AGBL1: variants seen among roughly 807,000 people sequenced by gnomAD.
AGBL1 encodes the protein AGBL carboxypeptidase 1, also known as cytosolic carboxypeptidase 4.
In AGBL1, 130 loss-of-function variants were observed where a neutral mutation model predicts 118.9. The observed-to-expected ratio is 1.09, with a 90% CI of 0.95 to 1.26. AGBL1 has a LOEUF of 1.26. Among genes scored for constraint, AGBL1 ranks in the 50% most tolerant of loss-of-function variants. The pLI, the probability that AGBL1 is intolerant of heterozygous loss-of-function variation, is 0.00. For synonymous variants in AGBL1, 555 were observed against 478.9 expected, an observed-to-expected ratio of 1.16 and a Z score of -2.08; for missense variants, 1,584 against 1,298.1, an observed-to-expected ratio of 1.22 and a Z score of -3.38.
At chr15:86,103,585 G>C (rs1486116090) in intron 1 of AGBL1, among the ~76,000 whole-genome samples, 1 of 152,184 alleles carries the variant, frequency 6.6e-6, no homozygotes, top group East Asian at 1.9e-4. Context: ...GTGTGCAGTA[G>C]TATAGTCTCC....
intron 7 of AGBL1, among the ~76,000 whole-genome samples, chr15:86,252,341 C>G (rs1241929977): frequency 6.6e-6 from 1 of 152,142 alleles, no homozygotes; most frequent in African/African-American, 2.4e-5. Flanking sequence ...GAGAATATTA[C>G]CAGGTTGGAA....
At chr15:86,955,485 A>G (rs1419977463) in intron 23 of AGBL1, among the ~76,000 whole-genome samples, 10 of 152,038 alleles carry the variant, frequency 6.6e-5, no homozygotes, top group Non-Finnish European at 1.3e-4. Flanking sequence ...AAAGAACCAG[A>G]CACAAATGAT....
At chr15:86,428,627 G>C (rs1180876164) in intron 18 of AGBL1, among the ~76,000 whole-genome samples, 1 of 152,192 alleles carries the variant, frequency 6.6e-6, no homozygotes. Context: ...GAGGAACTCT[G>C]TAATAGGGAA....
At chr15:86,535,969 T>A (rs2083420705) in intron 19 of AGBL1, among the ~76,000 whole-genome samples, 1 of 152,162 alleles carries the variant, frequency 6.6e-6, no homozygotes, top group Non-Finnish European at 1.5e-5. Flanking sequence ...TTTTTTACAT[T>A]TGAGGATATG....
intron 21 of AGBL1, among the ~76,000 whole-genome samples, chr15:86,630,101 C>T (rs1168590079): frequency 6.6e-6 from 1 of 152,222 alleles, no homozygotes; most frequent in African/African-American, 2.4e-5. Context: ...TATGAATCTT[C>T]CTTCTATGTG....
intron 22 of AGBL1, among the ~76,000 whole-genome samples, chr15:86,873,443 A>C (rs903857537): frequency 1.3e-5 from 2 of 152,180 alleles, no homozygotes; most frequent in Non-Finnish European, 2.9e-5. Context: ...CTCCACAATG[A>C]TAATGTCCAG....
intron 22 of AGBL1, among the ~76,000 whole-genome samples, chr15:86,843,775 C>T (rs1159868010): frequency 1.3e-5 from 2 of 152,032 alleles, no homozygotes; most frequent in Non-Finnish European, 2.9e-5. Context: ...CCAAGGTAAG[C>T]GTAAGGCTCA....
chr15:86,508,358 TAA>T lies in AGBL1; in HGVS notation c.2556-14451_2556-14450del, dbSNP rs549840974. 8.2e-4 allele frequency among the ~76,000 whole-genome samples: 125 copies of T among 152,082 alleles called. 1 individual carries two copies. The highest frequency in any genetic ancestry group is 2.8e-3 in the African/African-American group (118 of 41,492). The stretch of plus-strand genomic sequence containing the variant: ...TGTAACAAAACAGTACAAAGTGTGT[TAA>T]GAGAGAGAGGGGAAAAATAATGACA... On this transcript the variant is annotated intron_variant, in intron 18 of 22. Transcript: ENST00000614907.
intron 5 of AGBL1, among the ~76,000 whole-genome samples, chr15:86,219,943 C>CTTTT (rs1491233116): frequency 2.7e-5 from 3 of 109,786 alleles, no homozygotes; most frequent in Admixed American, 1.0e-4. Flanking sequence ...CTAATGCTGC[C>CTTTT]TCTTTTTTTT....
chr15:86,391,093 TGAG>T (rs1268415077), intron 17 of AGBL1, among the ~76,000 whole-genome samples: 2 of 150,724 alleles, frequency 1.3e-5, no homozygotes, highest in Non-Finnish European at 2.9e-5. Context: ...CAAAGTGAAA[TGAG>T]GAGAATATCG....
intron 18 of AGBL1, among the ~76,000 whole-genome samples, chr15:86,418,475 G>A (rs1349658512): frequency 6.6e-6 from 1 of 152,116 alleles, no homozygotes; most frequent in Non-Finnish European, 1.5e-5. Flanking sequence ...TACAGGTGCT[G>A]GTTTTTATGA....
intron 22 of AGBL1, among the ~76,000 whole-genome samples, chr15:86,801,830 T>A (rs777066937): frequency 9.9e-5 from 15 of 152,102 alleles, no homozygotes; most frequent in Non-Finnish European, 1.9e-4. Flanking sequence ...AGATCATTGC[T>A]GTGGTTATTA....
At chr15:86,503,550 A>G (rs566480639) in intron 18 of AGBL1, among the ~76,000 whole-genome samples, 3 of 151,168 alleles carry the variant, frequency 2.0e-5, no homozygotes, top group Admixed American at 6.6e-5. Context: ...GTTTTAAAAT[A>G]ATCTCTTTTA....
intron 22 of AGBL1, among the ~76,000 whole-genome samples, chr15:86,857,352 G>T (rs2079497653): frequency 6.6e-6 from 1 of 152,052 alleles, no homozygotes; most frequent in Non-Finnish European, 1.5e-5. Context: ...CTTTCTCATG[G>T]CCTGCGTCTC....
chr15:86,158,804 G>A, intron 4 of AGBL1, 129 bp from the exon 5 acceptor site: 1 of 722,584 alleles, frequency 1.4e-6, no homozygotes, highest in Non-Finnish European at 2.4e-6. Flanking sequence ...TGCAACCAGG[G>A]TGGAAAAGAA....
At chr15:86,534,358 C>T (rs537994591) in intron 19 of AGBL1, among the ~76,000 whole-genome samples, 1 of 152,240 alleles carries the variant, frequency 6.6e-6, no homozygotes, top group East Asian at 1.9e-4. Context: ...AAGAGTTTCC[C>T]TTGGATTTTA....
chr15:86,304,308 C>T (rs1417956710), intron 17 of AGBL1, among the ~76,000 whole-genome samples: 1 of 152,092 alleles, frequency 6.6e-6, no homozygotes. Context: ...CTGCTGTTTC[C>T]TCTGTGTCCA....
At chr15:87,005,358 G>T (rs1295346980) in intron 24 of AGBL1, among the ~76,000 whole-genome samples, 1 of 152,120 alleles carries the variant, frequency 6.6e-6, no homozygotes, top group Non-Finnish European at 1.5e-5. Context: ...TTTTCACATA[G>T]TCCCATATTT....
intron 22 of AGBL1, among the ~76,000 whole-genome samples, chr15:86,834,948 C>T (rs940931836): frequency 9.2e-5 from 14 of 152,210 alleles, no homozygotes; most frequent in Admixed American, 8.5e-4. Context: ...AGGAGCAGTA[C>T]TTCTTAAGAC....
Sources: gnomAD v4.1 joint callset for allele counts (sites outside exome capture counted in the v4.1 genomes callset) on GRCh38, gnomAD v4.1.1 for gene constraint, MANE v1.5 for transcripts, NCBI Gene and HGNC (gene_info 2026-07-23, HGNC 2026-07-21) for gene names.